The following PUSL1 variants were observed in gnomAD, a reference collection of about 807,000 sequenced individuals.
The protein encoded by PUSL1 is tRNA pseudouridine synthase-like 1.
In PUSL1, 51 loss-of-function variants were observed where a neutral mutation model predicts 30.7. The ratio of observed to expected loss-of-function variants is 1.66; its 90% CI spans 1.33 to 2.10. PUSL1 has a LOEUF of 2.10. Among genes scored for constraint, PUSL1 ranks in the 30% most tolerant of loss-of-function variants. The pLI is 0.00. For missense variants in PUSL1, 609 were observed against 427.6 expected, an observed-to-expected ratio of 1.42 and a Z score of -3.74; for synonymous variants, 290 against 192.1, an observed-to-expected ratio of 1.51 and a Z score of -4.21.
Position 1,311,415 on chromosome 1 carries a change from G to A in PUSL1, c.*36G>A. The A allele has an allele frequency of 5.0e-6, 8 of 1,585,600 alleles. No homozygotes were observed. The highest frequency in any genetic ancestry group is 6.9e-6 in the Non-Finnish European group (8 of 1,166,334). On this transcript the variant is annotated 3_prime_UTR_variant, in exon 8 of 8. Coordinates refer to ENST00000379031, the MANE Select transcript of PUSL1 (RefSeq NM_153339.3). ...TCAAGCCAAAGTTAGGCCACACCAG[G>A]CCCAACCCTGTGCTGGTCAAGCCAG...
chr1:1,308,853 G>C, intron 1 of PUSL1, 62 bp from the exon 2 acceptor site: 1 of 1,426,766 alleles, frequency 7.0e-7, no homozygotes, highest in East Asian at 3.0e-5. Flanking sequence ...CCTGGCCTCA[G>C]ACGGCGGCGG....
intron 7 of PUSL1, 54 bp downstream of exon 7, chr1:1,311,125 C>T: frequency 6.4e-7 from 1 of 1,554,888 alleles, no homozygotes; most frequent in Non-Finnish European, 8.7e-7. Flanking sequence ...ACTACTGTGG[C>T]CGAGGCATGG....
chr1:1,309,617 T>C lies in PUSL1; in HGVS notation c.473+14T>C. The stretch of plus-strand genomic sequence containing the variant: ...TCTCCCGGCAGAGTGAGTGTGGCCC[T>C]GACAGCGGGGAGGGGGCGGGCAGGC... On this transcript the variant is annotated intron_variant, in intron 4 of 7. Coordinates refer to ENST00000379031, the MANE Select transcript of PUSL1 (RefSeq NM_153339.3). The C allele has an allele frequency of 2.5e-6, 4 of 1,600,154 alleles. No individual in the cohort carries two copies. The highest frequency in any genetic ancestry group is 2.6e-6 in the Non-Finnish European group (3 of 1,170,084).
At chr1:1,310,390 C>T (rs912334920) in intron 5 of PUSL1, 43 of 528,134 alleles carry the variant, frequency 8.1e-5, no homozygotes, top group African/African-American at 6.4e-4. Context: ...CTGGGATGGC[C>T]AGGCTACCTG....
chr1:1,309,247 C>A lies in PUSL1; in HGVS notation c.297C>A (p.Asn99Lys). Residue 99 changes from asparagine (N) to lysine (K), a missense_variant, in exon 3 of 8, where the codon AAC becomes AAA. Asn to Lys is a moderately conservative substitution (Grantham distance 94, BLOSUM62 0). Coordinates refer to ENST00000379031, the MANE Select transcript of PUSL1 (RefSeq NM_153339.3). ...CCGAGGTCCTGGCCGAGGCCCTCAA[C>A]ACACACCTGCGGCACCCGGCCATCA... ...FPPEVLAEAL[N>K]THLRHPAIRV... The A allele has an allele frequency of 6.7e-7, 1 of 1,503,340 alleles. No individual in the cohort carries two copies. The highest frequency in any genetic ancestry group is 8.8e-7 in the Non-Finnish European group (1 of 1,131,684). 93.1% of individuals were successfully genotyped at this position (1,503,340 alleles called of 1,614,324 possible). A position where few individuals can be genotyped will look rare whatever the true frequency, so the allele number is the denominator to read the frequency against.
chr1:1,309,164 C>T lies in PUSL1; in HGVS notation c.214C>T (p.Leu72=). The change falls in exon 3 of 8, where the codon CTG becomes TTG. Residue 72 remains leucine (L), a synonymous_variant. Transcript: ENST00000379031. Reference sequence around the variant, plus strand: ...CCGCACGGACGCCGGGGTCCACGCCCTGAGCAACGCGGCGCACCTGGACGT... The same window carrying T: ...CCGCACGGACGCCGGGGTCCACGCCTTGAGCAACGCGGCGCACCTGGACGT... The part of the protein sequence containing the change: ...SSRTDAGVHA[L]SNAAHLDVQR... 1 of 1,537,508 alleles carries T rather than the reference C, an allele frequency of 6.5e-7. No individual in the cohort carries two copies. The highest frequency in any genetic ancestry group is 2.5e-5 in the East Asian group (1 of 40,798).
chr1:1,309,967 T>C, intron 5 of PUSL1, 116 bp downstream of exon 5: 1 of 819,906 alleles, frequency 1.2e-6, no homozygotes, highest in South Asian at 1.9e-5. Flanking sequence ...CCGGGAGTCC[T>C]CAGGACCTGG....
At chr1:1,308,823 C>T (rs1641916762) in intron 1 of PUSL1, 92 bp from the exon 2 acceptor site, 3 of 1,443,078 alleles carry the variant, frequency 2.1e-6, no homozygotes, top group Admixed American at 2.6e-5. Flanking sequence ...GGGTTCCAAA[C>T]GTTCGGGGAA....
Position 1,309,778 on chromosome 1 carries a change from C to T in PUSL1, c.571C>T (p.Pro191Ser), listed in dbSNP as rs201576432. The change falls in exon 5 of 8, where the codon CCC (proline) becomes TCC (serine). Residue 191 changes from proline (P) to serine (S), a missense_variant. Physicochemically the swap from Pro to Ser is moderately conservative, Grantham distance 74. Transcript: ENST00000379031. ...FQSAGSPVPS[P>S]VRTLRRVSVS... is the part of the protein sequence containing the mutation. ...GTCCGCTGGCAGCCCGGTGCCGAGC[C>T]CCGTGCGAACGCTGCGCCGGGTCTC... 6.4e-7 allele frequency: 1 copy of T among 1,566,866 alleles called. No homozygotes were observed. The highest frequency in any genetic ancestry group is 8.6e-7 in the Non-Finnish European group (1 of 1,156,120).
chr1:1,309,313 C>T (rs1222842760), intron 3 of PUSL1, 40 bp downstream of exon 3: 6 of 1,453,560 alleles, frequency 4.1e-6, no homozygotes, highest in East Asian at 2.5e-5. Flanking sequence ...CTGTGCCTTC[C>T]CGACTCCATC....
In PUSL1 at chr1:1,311,388, A is replaced by G. The variant is rs924512019; in HGVS notation, c.*9A>G. On this transcript the variant is annotated 3_prime_UTR_variant, in exon 8 of 8. Transcript: ENST00000379031. ...TCGGGAGCCACGGATGACCCTGGACACTCAAGCCAAAGTTAGGCCACACCA... is the reference window on the plus strand; with the variant it reads ...TCGGGAGCCACGGATGACCCTGGACGCTCAAGCCAAAGTTAGGCCACACCA... 2.5e-5 allele frequency: 40 copies of G among 1,601,634 alleles called. No homozygotes were observed. Among genetic ancestry groups the G allele is most frequent in the Non-Finnish European group, 3.2e-5 (38 of 1,174,570 alleles).
chr1:1,310,881 C>T, intron 6 of PUSL1, 28 bp from the exon 7 acceptor site: 1 of 1,535,184 alleles, frequency 6.5e-7, no homozygotes, highest in Non-Finnish European at 8.9e-7. Flanking sequence ...ACGGGCGGCT[C>T]TGGGTCACAG....
Position 1,310,891 on chromosome 1 carries a change from G to A in PUSL1, c.700-18G>A, listed in dbSNP as rs1642101676. The A allele has an allele frequency of 1.9e-6, 3 of 1,553,158 alleles. No individual in the cohort carries two copies. Among genetic ancestry groups the A allele is most frequent in the Admixed American group, 1.8e-5 (1 of 56,664 alleles). Reference sequence around the variant, plus strand: ...GGGTCACGGGCGGCTCTGGGTCACAGGTGGCTCTGGGTCACAGGTACGGAG... The same window carrying A: ...GGGTCACGGGCGGCTCTGGGTCACAAGTGGCTCTGGGTCACAGGTACGGAG... On this transcript the variant is annotated intron_variant, in intron 6 of 7. Transcript: ENST00000379031.
Position 1,311,480 on chromosome 1 carries a change from G to C in PUSL1, c.*101G>C, listed in dbSNP as rs1642149979. On this transcript the variant is annotated 3_prime_UTR_variant, in exon 8 of 8. Coordinates refer to ENST00000379031, the MANE Select transcript of PUSL1 (RefSeq NM_153339.3). ...CTTGGGGCCCACAGCACTGCTGCCT[G>C]GTCTCCACAGTAGCCTCCCTGCCCG... is the stretch of plus-strand genomic sequence containing the variant. The C allele has an allele frequency of 8.1e-7, 1 of 1,235,258 alleles. No homozygotes were observed. The highest frequency in any genetic ancestry group is 2.5e-5 in the East Asian group (1 of 39,916). The allele number at this position is 1,235,258 out of a possible 1,614,324, so 76.5% of individuals were successfully genotyped here.
At position 1,310,620 on chromosome 1, in the gene PUSL1, A is replaced by C; in HGVS notation, c.645-14A>C. 1 of 1,547,310 alleles carries C rather than the reference A, an allele frequency of 6.5e-7. No homozygotes were observed. Among genetic ancestry groups the C allele is most frequent in the Non-Finnish European group, 8.8e-7 (1 of 1,140,128 alleles). On this transcript the variant is annotated splice_polypyrimidine_tract_variant and intron_variant, in intron 5 of 7. Coordinates refer to ENST00000379031, the MANE Select transcript of PUSL1 (RefSeq NM_153339.3). ...CACTGCCCCACAGACACCTACAGGT[A>C]CGTATTTTTCCAGGAAGCTGCGGTT...
chr1:1,309,175 G>T lies in PUSL1; in HGVS notation c.225G>T (p.Ala75=). 1.3e-6 allele frequency: 2 copies of T among 1,537,122 alleles called. No individual in the cohort carries two copies. The highest frequency in any genetic ancestry group is 1.7e-6 in the Non-Finnish European group (2 of 1,149,998). Residue 75 remains alanine, a synonymous_variant, in exon 3 of 8, where the codon GCG becomes GCT. Transcript: ENST00000379031. The stretch of plus-strand genomic sequence containing the variant: ...CCGGGGTCCACGCCCTGAGCAACGC[G>T]GCGCACCTGGACGTCCAGCGCCGCT... The part of the protein sequence containing the change: ...TDAGVHALSN[A]AHLDVQRRSG...
chr1:1,309,129 C>G lies in PUSL1; in HGVS notation c.179C>G (p.Thr60Ser), dbSNP rs1054939718. The G allele has an allele frequency of 7.9e-6, 12 of 1,526,862 alleles. No homozygotes were observed. Among genetic ancestry groups the G allele is most frequent in the South Asian group, 1.2e-5 (1 of 83,028 alleles). The allele number at this position is 1,526,862 out of a possible 1,614,324, so 94.6% of individuals were successfully genotyped here. A position where few individuals can be genotyped will look rare whatever the true frequency, so the allele number is the denominator to read the frequency against. Residue 60 changes from threonine to serine, a missense_variant, in exon 3 of 8, where the codon ACC becomes AGC. By Grantham distance (58) the Thr-to-Ser change is moderately conservative. Coordinates refer to ENST00000379031, the MANE Select transcript of PUSL1 (RefSeq NM_153339.3). Reference sequence around the variant, plus strand: ...AATTCCGTGGAGCCGGTCAGGTTCACCATCTCCAGCCGCACGGACGCCGGG... The same window carrying G: ...AATTCCGTGGAGCCGGTCAGGTTCAGCATCTCCAGCCGCACGGACGCCGGG... ...RLNSVEPVRF[T>S]ISSRTDAGVH...
chr1:1,308,922 G>A lies in PUSL1; in HGVS notation c.85G>A (p.Ala29Thr). Reference sequence around the variant, plus strand: ...GCCCGCTTCTGCCCGCAGCGGGGTCGCGGCCGTCAGGGGCACTCAGCGCGC... The same window carrying A: ...GCCCGCTTCTGCCCGCAGCGGGGTCACGGCCGTCAGGGGCACTCAGCGCGC... Reference protein sequence around the residue: ...QYVGTDFNGVAAVRGTQRAVG... With the variant: ...QYVGTDFNGVTAVRGTQRAVG... The change falls in exon 2 of 8, where the codon GCG (alanine) becomes ACG (threonine). Residue 29 changes from alanine (A) to threonine (T), a missense_variant. Coordinates refer to ENST00000379031, the MANE Select transcript of PUSL1 (RefSeq NM_153339.3). 7.0e-7 allele frequency: 1 copy of A among 1,419,054 alleles called. No homozygotes were observed. Among genetic ancestry groups the A allele is most frequent in the Non-Finnish European group, 9.2e-7 (1 of 1,089,488 alleles). The allele number at this position is 1,419,054 out of a possible 1,614,324, so 87.9% of individuals were successfully genotyped here.
At position 1,311,031 on chromosome 1, in the gene PUSL1, C is replaced by T. The variant is rs747488243; in HGVS notation, c.822C>T (p.Ala274=). Residue 274 remains alanine (A), a synonymous_variant, in exon 7 of 8, where the codon GCC becomes GCT. Transcript: ENST00000379031. ...LGKHQTRVAP[A]HGLFLKSVLY... Reference sequence around the variant, plus strand: ...AGCACCAGACACGTGTAGCCCCAGCCCACGGCTTATTCCTCAAGTCAGTGC... The same window carrying T: ...AGCACCAGACACGTGTAGCCCCAGCTCACGGCTTATTCCTCAAGTCAGTGC... The T allele has an allele frequency of 1.9e-6, 3 of 1,612,270 alleles. No individual in the cohort carries two copies. Among genetic ancestry groups the T allele is most frequent in the Non-Finnish European group, 1.7e-6 (2 of 1,179,502 alleles).
Sources: gnomAD v4.1 joint callset for allele counts on GRCh38, gnomAD v4.1.1 for gene constraint, MANE v1.5 for transcripts, NCBI Gene and HGNC (gene_info 2026-07-23, HGNC 2026-07-21) for gene names.